The following ARHGAP15 variants were observed in gnomAD, a reference collection of about 807,000 sequenced individuals.
The protein encoded by ARHGAP15 is Rho GTPase activating protein 15, also known as rho GTPase-activating protein 15.
In ARHGAP15, 51 loss-of-function variants were observed where a neutral mutation model predicts 63.7. That is an observed-to-expected ratio of 0.80 (90% confidence interval 0.64 to 1.01). ARHGAP15 has a LOEUF of 1.01. Among genes scored for constraint, ARHGAP15 ranks in the 50% least tolerant of loss-of-function variants. ARHGAP15 has a pLI of 0.00. For missense variants in ARHGAP15, 560 were observed against 564.6 expected, an observed-to-expected ratio of 0.99 and a Z score of 0.08; for synonymous variants, 191 against 193.8, an observed-to-expected ratio of 0.99 and a Z score of 0.12.
At chr2:143,711,629 C>T (rs1349231393) in intron 13 of ARHGAP15, among the ~76,000 whole-genome samples, 2 of 152,184 alleles carry the variant, frequency 1.3e-5, no homozygotes, top group African/African-American at 4.8e-5. Flanking sequence ...TGATAAGGAG[C>T]TTGAAATTCT....
chr2:143,254,306 G>A (rs1332997287), intron 6 of ARHGAP15, among the ~76,000 whole-genome samples: 1 of 151,950 alleles, frequency 6.6e-6, no homozygotes, highest in African/African-American at 2.4e-5. Context: ...ACACAAGCGG[G>A]GCTACTGTCA....
intron 5 of ARHGAP15, among the ~76,000 whole-genome samples, chr2:143,240,257 A>G (rs1218627462): frequency 6.6e-6 from 1 of 152,056 alleles, no homozygotes; most frequent in African/African-American, 2.4e-5. Flanking sequence ...CAATATGAGT[A>G]ATGAACACAC....
At chr2:143,521,813 C>G (rs1248474353) in intron 10 of ARHGAP15, among the ~76,000 whole-genome samples, 1 of 151,370 alleles carries the variant, frequency 6.6e-6, no homozygotes, top group East Asian at 1.9e-4. Flanking sequence ...TTATTTTTTA[C>G]TCCTTTAAAA....
chr2:143,180,403 A>T (rs921287714), intron 2 of ARHGAP15, among the ~76,000 whole-genome samples: 36 of 152,168 alleles, frequency 2.4e-4, no homozygotes, highest in African/African-American at 8.4e-4. Flanking sequence ...TCCACTTCTT[A>T]TTCTAGTTGT....
At chr2:143,409,653 G>C (rs1336035304) in intron 6 of ARHGAP15, among the ~76,000 whole-genome samples, 2 of 151,998 alleles carry the variant, frequency 1.3e-5, no homozygotes, top group African/African-American at 4.8e-5. Flanking sequence ...AGTTCCGTAG[G>C]AATATAATAC....
At chr2:143,677,275 T>C (rs1360166659) in intron 12 of ARHGAP15, among the ~76,000 whole-genome samples, 5 of 152,254 alleles carry the variant, frequency 3.3e-5, no homozygotes, top group Admixed American at 2.0e-4. Context: ...AATACATGGT[T>C]AGTGTATCTG....
At chr2:143,255,746 A>G (rs1011443867) in intron 6 of ARHGAP15, among the ~76,000 whole-genome samples, 1 of 152,166 alleles carries the variant, frequency 6.6e-6, no homozygotes, top group African/African-American at 2.4e-5. Flanking sequence ...CAGTGCTTGT[A>G]GTTAGACTAA....
At chr2:143,498,028 A>C (rs1692895922) in intron 9 of ARHGAP15, among the ~76,000 whole-genome samples, 3 of 152,176 alleles carry the variant, frequency 2.0e-5, no homozygotes, top group Admixed American at 2.0e-4. Context: ...TCCACAATTC[A>C]TTTTGACATA....
At chr2:143,444,066 C>T (rs1397254244) in intron 8 of ARHGAP15, among the ~76,000 whole-genome samples, 1 of 152,142 alleles carries the variant, frequency 6.6e-6, no homozygotes, top group East Asian at 1.9e-4. Context: ...TCTGAAAGTC[C>T]ACCTAACCCT....
intron 13 of ARHGAP15, among the ~76,000 whole-genome samples, chr2:143,722,403 T>C (rs1425201735): frequency 6.6e-6 from 1 of 152,210 alleles, no homozygotes; most frequent in Admixed American, 6.5e-5. Flanking sequence ...AATTTATCAT[T>C]TGAAGTGTTC....
intron 1 of ARHGAP15, among the ~76,000 whole-genome samples, chr2:143,150,987 T>G (rs1054001072): frequency 5.9e-5 from 9 of 152,026 alleles, no homozygotes; most frequent in African/African-American, 2.2e-4. Context: ...TCTAGAAAAT[T>G]GAAGGTCAGT....
At chr2:143,357,778 A>C (rs1049656869) in intron 6 of ARHGAP15, among the ~76,000 whole-genome samples, 1 of 152,254 alleles carries the variant, frequency 6.6e-6, no homozygotes, top group African/African-American at 2.4e-5. Context: ...TAATTTAAAA[A>C]GATGAATTAA....
chr2:143,151,620 T>G (rs1261601665), intron 1 of ARHGAP15, among the ~76,000 whole-genome samples: 1 of 151,934 alleles, frequency 6.6e-6, no homozygotes, highest in Non-Finnish European at 1.5e-5. Flanking sequence ...TTTTATAAAT[T>G]TTGACACTGT....
At chr2:143,494,375 C>T (rs923353605) in intron 9 of ARHGAP15, among the ~76,000 whole-genome samples, 1 of 152,096 alleles carries the variant, frequency 6.6e-6, no homozygotes, top group African/African-American at 2.4e-5. Context: ...CATCTCATTT[C>T]TCACATACCA....
chr2:143,719,336 T>A (rs1176875065), intron 13 of ARHGAP15, among the ~76,000 whole-genome samples: 3 of 152,242 alleles, frequency 2.0e-5, no homozygotes, highest in African/African-American at 7.2e-5. Flanking sequence ...GTGTATATGT[T>A]GTTGGGCATT....
At chr2:143,217,002 T>C (rs1323143851) in intron 4 of ARHGAP15, among the ~76,000 whole-genome samples, 1 of 152,196 alleles carries the variant, frequency 6.6e-6, no homozygotes, top group Non-Finnish European at 1.5e-5. Context: ...AATTGTGTGG[T>C]ATATACCGTA....
chr2:143,644,506 C>T (rs1255598086), intron 12 of ARHGAP15, among the ~76,000 whole-genome samples: 2 of 151,992 alleles, frequency 1.3e-5, no homozygotes, highest in Non-Finnish European at 2.9e-5. Flanking sequence ...TTCTGAGGCC[C>T]TTCTAATCTT....
intron 11 of ARHGAP15, among the ~76,000 whole-genome samples, chr2:143,579,406 T>G (rs550385223): frequency 1.2e-4 from 19 of 152,268 alleles, no homozygotes; most frequent in African/African-American, 4.3e-4. Flanking sequence ...CTGTTTAAAT[T>G]TGAGTACCAT....
intron 3 of ARHGAP15, among the ~76,000 whole-genome samples, chr2:143,205,347 T>C (rs1692291443): frequency 6.6e-6 from 1 of 151,874 alleles, no homozygotes; most frequent in Non-Finnish European, 1.5e-5. Flanking sequence ...TACCTTAATT[T>C]ACTCTATAGA....
Sources: allele counts gnomAD v4.1 joint callset (sites outside exome capture counted in the v4.1 genomes callset), GRCh38; gene constraint gnomAD v4.1.1; transcripts MANE v1.5; gene names NCBI Gene and HGNC (gene_info 2026-07-23, HGNC 2026-07-21).